Variants in ANGPT1 observed in about 807,000 individuals in gnomAD.
ANGPT1 encodes angiopoietin-1.
A neutral mutation model predicts 62.2 loss-of-function variants in ANGPT1; 17 were observed. The observed-to-expected ratio is 0.27, with a 90% CI of 0.19 to 0.41. The LOEUF (loss-of-function observed/expected upper bound fraction) is 0.41, where lower values mean the gene tolerates loss of function less well. Among genes scored for constraint, ANGPT1 ranks in the 10% least tolerant of loss-of-function variants. The pLI is 1.00. For synonymous variants in ANGPT1, 199 were observed against 198.9 expected (o/e 1.00, Z 0.00); for missense variants, 478 against 594.9 (o/e 0.80, Z 2.04).
chr8:107,497,201 T>C (rs931713155), intron 1 of ANGPT1, 61 bp downstream of exon 1: 9 of 1,547,640 alleles, frequency 5.8e-6, no homozygotes, highest in Non-Finnish European at 7.9e-6. Flanking sequence ...AACTTTAAGT[T>C]AGCTGCAGTG....
At chr8:107,431,716 T>G (rs1234779379) in intron 1 of ANGPT1, among the ~76,000 whole-genome samples, 2 of 137,442 alleles carry the variant, frequency 1.5e-5, no homozygotes, top group African/African-American at 5.6e-5. Flanking sequence ...TACCAGATTT[T>G]CAGGGAAACT....
intron 1 of ANGPT1, among the ~76,000 whole-genome samples, chr8:107,475,109 A>G (rs1208233480): frequency 6.6e-6 from 1 of 152,210 alleles, no homozygotes; most frequent in East Asian, 1.9e-4. Context: ...GGAACTAAAA[A>G]AGGGCCTGCA....
intron 1 of ANGPT1, among the ~76,000 whole-genome samples, chr8:107,486,495 A>T (rs928641505): frequency 6.6e-6 from 1 of 152,212 alleles, no homozygotes; most frequent in Non-Finnish European, 1.5e-5. Flanking sequence ...GTTTTGAAAA[A>T]GTGCTCAATA....
chr8:107,255,684 C>A (rs1377044636), intron 8 of ANGPT1, among the ~76,000 whole-genome samples: 1 of 152,164 alleles, frequency 6.6e-6, no homozygotes, highest in Non-Finnish European at 1.5e-5. Flanking sequence ...GTTTAAGGAA[C>A]TGCTTAAGGT....
intron 1 of ANGPT1, among the ~76,000 whole-genome samples, chr8:107,439,220 T>C (rs1811409595): frequency 6.6e-6 from 1 of 152,222 alleles, no homozygotes; most frequent in South Asian, 2.1e-4. Context: ...TAAATACAGA[T>C]TCCAGTGCAG....
At chr8:107,363,289 ATACT>A (rs1323354427) in intron 1 of ANGPT1, among the ~76,000 whole-genome samples, 12 of 152,226 alleles carry the variant, frequency 7.9e-5, no homozygotes, top group Non-Finnish European at 1.2e-4. Flanking sequence ...TAAATGTCAG[ATACT>A]TATACTTCGA....
intron 1 of ANGPT1, among the ~76,000 whole-genome samples, chr8:107,490,651 A>T (rs1328547804): frequency 6.6e-6 from 1 of 152,170 alleles, no homozygotes; most frequent in South Asian, 2.1e-4. Context: ...TTCCTCTTGC[A>T]ATATAGGGCA....
intron 1 of ANGPT1, among the ~76,000 whole-genome samples, chr8:107,461,146 T>C (rs895304945): frequency 6.6e-6 from 1 of 152,196 alleles, no homozygotes; most frequent in African/African-American, 2.4e-5. Context: ...CTATCTTATT[T>C]ATTTTTATAA....
chr8:107,476,391 C>T (rs1812529712), intron 1 of ANGPT1, among the ~76,000 whole-genome samples: 3 of 151,990 alleles, frequency 2.0e-5, no homozygotes, highest in Admixed American at 2.0e-4. Flanking sequence ...ACAATGAGAA[C>T]ACTTGGGCAC....
At chr8:107,494,933 T>C (rs977196655) in intron 1 of ANGPT1, 3 of 152,324 alleles carry the variant, frequency 2.0e-5, no homozygotes, top group Admixed American at 6.5e-5. Flanking sequence ...ACTGATAGCC[T>C]CAGTTTCTGC....
intron 8 of ANGPT1, among the ~76,000 whole-genome samples, chr8:107,255,786 G>T (rs1813344757): frequency 7.1e-6 from 1 of 141,528 alleles, no homozygotes. Flanking sequence ...ATTACAGCCT[G>T]TAAAATCCTA....
intron 3 of ANGPT1, among the ~76,000 whole-genome samples, chr8:107,330,253 G>A (rs73701095): frequency 6.6e-6 from 1 of 151,984 alleles, no homozygotes; most frequent in South Asian, 2.1e-4. Flanking sequence ...TACAATTATT[G>A]TCATTGTTAT....
In ANGPT1 at chr8:107,497,656, T is replaced by C. The variant is rs1371935826; in HGVS notation, c.-98A>G. On this transcript the variant is annotated 5_prime_UTR_variant, in exon 1 of 9. Transcript: ENST00000517746. ...TTTATTTCAGGTAAAACTGCTTGTT[T>C]GTTTGACTCTTTCCCCCTCAAAGAA... is the stretch of plus-strand genomic sequence containing the variant. 8.0e-7 allele frequency: 1 copy of C among 1,249,276 alleles called. No homozygotes were observed. The highest frequency in any genetic ancestry group is 1.1e-6 in the Non-Finnish European group (1 of 922,568). 77.4% of individuals were successfully genotyped at this position (1,249,276 alleles called of 1,614,324 possible).
intron 5 of ANGPT1, among the ~76,000 whole-genome samples, chr8:107,297,283 G>A (rs1814438776): frequency 2.0e-5 from 3 of 151,964 alleles, no homozygotes; most frequent in Admixed American, 6.6e-5. Context: ...AGGCACAATG[G>A]AGCTGAATGA....
At position 107,404,372 on chromosome 8, in the gene ANGPT1, C is replaced by T. The variant is rs113404965; in HGVS notation, c.298-57275G>A. On this transcript the variant is annotated intron_variant, in intron 1 of 8. Transcript: ENST00000517746. ...TCATTGCCTCCAAAGATCCTTGGTT[C>T]GTGTCCCTCCAAAGAGATAACCACT... 1.8e-3 allele frequency among the ~76,000 whole-genome samples: 276 copies of T among 152,166 alleles called. 1 individual carries two copies. The highest frequency in any genetic ancestry group is 6.1e-3 in the African/African-American group (253 of 41,568).
chr8:107,291,395 T>C (rs1294405431), intron 6 of ANGPT1, among the ~76,000 whole-genome samples: 1 of 148,772 alleles, frequency 6.7e-6, no homozygotes, highest in Non-Finnish European at 1.5e-5. Context: ...AATGGCAGAG[T>C]GAAGACTATA....
At chr8:107,341,304 G>C (rs538592757) in intron 2 of ANGPT1, among the ~76,000 whole-genome samples, 70 of 152,124 alleles carry the variant, frequency 4.6e-4, no homozygotes, top group Non-Finnish European at 7.1e-4. Context: ...GTAAACTAAA[G>C]GTCATAATAA....
chr8:107,310,752 G>A (rs766581020), intron 4 of ANGPT1, among the ~76,000 whole-genome samples: 1 of 152,092 alleles, frequency 6.6e-6, no homozygotes, highest in Non-Finnish European at 1.5e-5. Flanking sequence ...ATTTTATCAT[G>A]TTCATACCCT....
intron 2 of ANGPT1, among the ~76,000 whole-genome samples, chr8:107,337,660 T>TA (rs1364773760): frequency 3.3e-5 from 5 of 152,194 alleles, no homozygotes; most frequent in African/African-American, 1.2e-4. Context: ...ACTGCTTATT[T>TA]AAAAGGACCT....
Sources: gnomAD v4.1 joint callset for allele counts (sites outside exome capture counted in the v4.1 genomes callset) on GRCh38, gnomAD v4.1.1 for gene constraint, MANE v1.5 for transcripts, NCBI Gene and HGNC (gene_info 2026-07-23, HGNC 2026-07-21) for gene names.